CDC14A: variants seen among roughly 807,000 people sequenced by gnomAD.
CDC14A encodes the protein cell division cycle 14A.
CDC14A carries 53 observed loss-of-function variants against 74.4 expected under a neutral mutation model. The observed-to-expected ratio is 0.71, with a 90% CI of 0.57 to 0.89. The LOEUF (loss-of-function observed/expected upper bound fraction) is 0.89. Ranked by LOEUF, CDC14A falls within the 40% of genes least tolerant of loss-of-function variation. The pLI, the probability that CDC14A is intolerant of heterozygous loss-of-function variation, is 0.00. For missense variants in CDC14A, 646 were observed against 713.7 expected (o/e 0.91, Z 1.08); for synonymous variants, 247 against 258.4 (o/e 0.96, Z 0.43).
At chr1:100,361,625 T>C (rs1173072605) in intron 2 of CDC14A, among the ~76,000 whole-genome samples, 1 of 152,170 alleles carries the variant, frequency 6.6e-6, no homozygotes, top group Non-Finnish European at 1.5e-5. Flanking sequence ...AGAAAAAGAT[T>C]TCAGGCAGAG....
At chr1:100,415,723 T>C (rs1229334863) in intron 4 of CDC14A, among the ~76,000 whole-genome samples, 1 of 152,228 alleles carries the variant, frequency 6.6e-6, no homozygotes, top group Non-Finnish European at 1.5e-5. Flanking sequence ...CTGAATATAA[T>C]ACAAGTTTTA....
intron 15 of CDC14A, among the ~76,000 whole-genome samples, chr1:100,506,413 A>AT (rs34930822): frequency 0.44 from 66,371 of 151,684 alleles, 15,560 homozygotes; most frequent in Non-Finnish European, 0.52. Context: ...CAACATTGCG[A>AT]TTTTTTTTCC....
intron 10 of CDC14A, among the ~76,000 whole-genome samples, chr1:100,479,196 A>C (rs565935202): frequency 6.6e-5 from 10 of 152,350 alleles, no homozygotes; most frequent in African/African-American, 2.4e-4. Flanking sequence ...GAAAATGGAA[A>C]ATGCTTGAAA....
At chr1:100,465,500 C>G (rs1477209691) in intron 9 of CDC14A, among the ~76,000 whole-genome samples, 4 of 152,056 alleles carry the variant, frequency 2.6e-5, no homozygotes, top group African/African-American at 7.2e-5. Flanking sequence ...TGACATCTGC[C>G]CTAATTAAGT....
chr1:100,409,131 C>T (rs990835978), intron 4 of CDC14A, among the ~76,000 whole-genome samples: 10 of 152,072 alleles, frequency 6.6e-5, no homozygotes, highest in African/African-American at 1.5e-4. Flanking sequence ...GTGAAAGGCA[C>T]GTCTCACATG....
intron 2 of CDC14A, among the ~76,000 whole-genome samples, chr1:100,363,614 CTT>C (rs35415515): frequency 8.5e-5 from 12 of 141,774 alleles, no homozygotes; most frequent in African/African-American, 3.0e-4. Flanking sequence ...TTAGACTTCT[CTT>C]TTTTTTTTTT....
At chr1:100,443,084 G>A (rs1665150592) in intron 7 of CDC14A, 88 bp downstream of exon 7, 1 of 849,492 alleles carries the variant, frequency 1.2e-6, no homozygotes, top group Non-Finnish European at 1.9e-6. Context: ...CAAATCGAGT[G>A]GGTGCTAAAT....
At chr1:100,442,357 T>A (rs956246224) in intron 6 of CDC14A, among the ~76,000 whole-genome samples, 2 of 146,050 alleles carry the variant, frequency 1.4e-5, no homozygotes, top group South Asian at 2.1e-4. Context: ...TATACTATAT[T>A]ATATATAGTA....
At chr1:100,395,219 C>G (rs1339857510) in intron 4 of CDC14A, among the ~76,000 whole-genome samples, 1 of 152,176 alleles carries the variant, frequency 6.6e-6, no homozygotes, top group East Asian at 1.9e-4. Context: ...CCTGAGTTTC[C>G]TTATCTGCTT....
chr1:100,424,345 C>A, intron 5 of CDC14A, 44 bp downstream of exon 5: 1 of 1,360,608 alleles, frequency 7.3e-7, no homozygotes. Context: ...TGCTACAGAG[C>A]TGGACACTTT....
At chr1:100,448,873 C>G (rs1284244684) in intron 7 of CDC14A, among the ~76,000 whole-genome samples, 1 of 152,146 alleles carries the variant, frequency 6.6e-6, no homozygotes, top group East Asian at 1.9e-4. Flanking sequence ...TATCATCTCT[C>G]CATGTGTAGG....
At chr1:100,390,861 GC>G in intron 4 of CDC14A, 37 bp downstream of exon 4, 1 of 1,446,078 alleles carries the variant, frequency 6.9e-7, no homozygotes, top group Non-Finnish European at 9.7e-7. Flanking sequence ...CTATAATCAG[GC>G]CAGTGAAATG....
intron 4 of CDC14A, among the ~76,000 whole-genome samples, chr1:100,423,035 T>A (rs893163324): frequency 2.6e-5 from 4 of 152,164 alleles, no homozygotes; most frequent in African/African-American, 9.7e-5. Context: ...GAGAAGATTG[T>A]AGGAATTAAG....
chr1:100,354,662 A>G (rs1651633555), intron 2 of CDC14A, among the ~76,000 whole-genome samples: 1 of 152,254 alleles, frequency 6.6e-6, no homozygotes, highest in Admixed American at 6.5e-5. Flanking sequence ...AGAAGGCTGA[A>G]TTGACTTGGT....
At chr1:100,451,109 C>T (rs1416482539) in intron 7 of CDC14A, among the ~76,000 whole-genome samples, 1 of 152,204 alleles carries the variant, frequency 6.6e-6, no homozygotes, top group Non-Finnish European at 1.5e-5. Flanking sequence ...CTCATGATTT[C>T]TGGTTATACA....
Position 100,353,851 on chromosome 1 carries a change from A to G in CDC14A, c.139A>G (p.Asn47Asp), listed in dbSNP as rs1334402791. The G allele has an allele frequency of 5.7e-6, 9 of 1,586,504 alleles. No individual in the cohort carries two copies. Among genetic ancestry groups the G allele is most frequent in the Non-Finnish European group, 6.0e-6 (7 of 1,158,508 alleles). ...CATCGATGAGGAGCTGGTCTATGAAAAGTAAGTTTATGTTTTGTTTTTTTT... is the reference window on the plus strand; with the variant it reads ...CATCGATGAGGAGCTGGTCTATGAAGAGTAAGTTTATGTTTTGTTTTTTTT... ...FSIDEELVYENFYADFGPLNL... is the reference protein window; with the variant it reads ...FSIDEELVYEDFYADFGPLNL... Residue 47 changes from asparagine to aspartate, a missense_variant and splice_region_variant, in exon 2 of 16, where the codon AAT (asparagine) becomes GAT (aspartate). Physicochemically the swap from Asn to Asp is conservative, Grantham distance 23. Transcript: ENST00000336454.
chr1:100,374,240 A>G (rs1042130722), intron 2 of CDC14A, among the ~76,000 whole-genome samples: 2 of 152,006 alleles, frequency 1.3e-5, no homozygotes, highest in African/African-American at 4.8e-5. Context: ...AGTCTTTGCT[A>G]TTGTGAATAG....
chr1:100,351,640 A>G (rs1435452131), upstream of CDC14A: 3 of 977,708 alleles, frequency 3.1e-6, no homozygotes, highest in African/African-American at 1.6e-5. Flanking sequence ...GCGCCCGCCC[A>G]GGCTGGCTCA....
At position 100,393,954 on chromosome 1, in the gene CDC14A, C is replaced by CAAA. The variant is rs377483612; in HGVS notation, c.309+3137_309+3139dup. The CAAA allele has an allele frequency of 1.8e-3, 369 of 202,606 alleles. 5 individuals carry two copies. The highest frequency in any genetic ancestry group is 8.7e-3 in the African/African-American group (346 of 39,598). 12.6% of individuals were successfully genotyped at this position (202,606 alleles called of 1,614,324 possible). ...GAGACTCTGTTCCCCCTCCCCACCG[C>CAAA]AAAAAAAAATATATATATATATAGC... is the stretch of plus-strand genomic sequence containing the variant. On this transcript the variant is annotated intron_variant, in intron 4 of 15. Transcript: ENST00000336454.
Sources: allele counts gnomAD v4.1 joint callset (sites outside exome capture counted in the v4.1 genomes callset), GRCh38; gene constraint gnomAD v4.1.1; transcripts MANE v1.5; gene names NCBI Gene and HGNC (gene_info 2026-07-23, HGNC 2026-07-21).